The following GFRA2 variants were observed in gnomAD, a reference collection of about 807,000 sequenced individuals.
GFRA2 encodes the protein GDNF family receptor alpha 2, also known as GDNF family receptor alpha-2.
GFRA2 carries 17 observed loss-of-function variants against 48.3 expected under a neutral mutation model. That is an observed-to-expected ratio of 0.35 (90% CI 0.24 to 0.53). GFRA2 has a LOEUF of 0.53. Among genes scored for constraint, GFRA2 ranks in the 20% least tolerant of loss-of-function variants. GFRA2 has a pLI of 0.93. For synonymous variants in GFRA2, 305 were observed against 257.2 expected, an observed-to-expected ratio of 1.19 and a Z score of -1.78; for missense variants, 660 against 637.3, an observed-to-expected ratio of 1.04 and a Z score of -0.38.
chr8:21,705,203 C>T, intron 5 of GFRA2, 78 bp from the exon 6 acceptor site: 1 of 1,454,522 alleles, frequency 6.9e-7, no homozygotes, highest in South Asian at 1.3e-5. Flanking sequence ...CAACCCCAGG[C>T]ACAGCAGGGC....
intron 5 of GFRA2, 69 bp downstream of exon 5, chr8:21,705,849 CCCTGAGCTGGGCTG>C: frequency 2.3e-6 from 2 of 877,448 alleles, no homozygotes; most frequent in Admixed American, 4.7e-5. Flanking sequence ...CCCCAGCTGG[CCCTGAGCTGGGCTG>C]CGGCCCCTGC....
In GFRA2 at chr8:21,727,189, A is replaced by C. The variant is rs948568624; in HGVS notation, c.795-21148T>G. Reference sequence around the variant, plus strand: ...TGTTTGATCTCACTTCCCTCACCCCAGTTTGATTCAGATGCAGGCTGAACC... The same window carrying C: ...TGTTTGATCTCACTTCCCTCACCCCCGTTTGATTCAGATGCAGGCTGAACC... On this transcript the variant is annotated intron_variant, in intron 4 of 8. Transcript: ENST00000524240. Among the ~76,000 whole-genome samples the C allele has an allele frequency of 4.6e-5, 7 of 152,100 alleles. No homozygotes were observed. In the East Asian group the frequency reaches 1.4e-3, roughly 29 times the overall value.
chr8:21,729,133 A>G (rs1305296411), intron 4 of GFRA2, among the ~76,000 whole-genome samples: 1 of 151,830 alleles, frequency 6.6e-6, no homozygotes, highest in Non-Finnish European at 1.5e-5. Flanking sequence ...GCAGTCATAA[A>G]CCTCTCCGCC....
At chr8:21,789,447 G>C (rs1807461302), upstream of GFRA2, among the ~76,000 whole-genome samples, 1 of 152,090 alleles carries the variant, frequency 6.6e-6, no homozygotes, top group South Asian at 2.1e-4. Context: ...GCCATCCGGG[G>C]GCTCGGGGGG....
At chr8:21,753,225 G>A (rs1020513200) in intron 3 of GFRA2, among the ~76,000 whole-genome samples, 1 of 152,170 alleles carries the variant, frequency 6.6e-6, no homozygotes, top group African/African-American at 2.4e-5. Context: ...CACCACACAC[G>A]GCTGCTGAAC....
At chr8:21,722,093 A>G (rs1044897707) in intron 4 of GFRA2, among the ~76,000 whole-genome samples, 2 of 152,216 alleles carry the variant, frequency 1.3e-5, no homozygotes, top group Non-Finnish European at 2.9e-5. Context: ...CTAACAAAGG[A>G]TGTGAGGCTG....
upstream of GFRA2, among the ~76,000 whole-genome samples, chr8:21,793,789 C>T (rs1807619901): frequency 6.6e-6 from 1 of 152,046 alleles, no homozygotes; most frequent in Admixed American, 6.6e-5. Context: ...GTTCATATTC[C>T]CCTTCACAAC....
chr8:21,693,317 C>A lies in GFRA2; in HGVS notation c.1356G>T (p.Leu452Phe). The change falls in exon 9 of 9, where the codon TTG becomes TTT. Residue 452 changes from leucine to phenylalanine, a missense_variant. Leu to Phe is a conservative substitution (Grantham distance 22, BLOSUM62 0). Coordinates refer to ENST00000524240, the MANE Select transcript of GFRA2 (RefSeq NM_001495.5). ...GPSRARPSAA[L>F]TVLSVLMLKL... ...TCAGCATCAGGACAGACAGCACGGTCAAGGCAGCCGACGGTCTGGCTCTGC... is the reference window on the plus strand; with the variant it reads ...TCAGCATCAGGACAGACAGCACGGTAAAGGCAGCCGACGGTCTGGCTCTGC... The A allele has an allele frequency of 6.2e-7, 1 of 1,613,698 alleles. No homozygotes were observed. The highest frequency in any genetic ancestry group is 1.1e-5 in the South Asian group (1 of 91,004).
chr8:21,770,404 C>A lies in GFRA2; in HGVS notation c.439+4568G>T, dbSNP rs200993679. 2.6e-3 allele frequency among the ~76,000 whole-genome samples: 403 copies of A among 152,330 alleles called. 21 individuals carry two copies. The East Asian group carries it at 0.072, about 27-fold the overall frequency. Reference sequence around the variant, plus strand: ...CAAAAATCCTCAGAGGTAGGTGTTGCCATTGGCTCCAGGCTGGGGGAGAGG... The same window carrying A: ...CAAAAATCCTCAGAGGTAGGTGTTGACATTGGCTCCAGGCTGGGGGAGAGG... On this transcript the variant is annotated intron_variant, in intron 3 of 8. Coordinates refer to ENST00000524240, the MANE Select transcript of GFRA2 (RefSeq NM_001495.5).
At chr8:21,771,139 C>T (rs1431650987) in intron 3 of GFRA2, among the ~76,000 whole-genome samples, 1 of 152,152 alleles carries the variant, frequency 6.6e-6, no homozygotes, top group Non-Finnish European at 1.5e-5. Context: ...CCTCTTAGGG[C>T]ATCACATGTC....
At chr8:21,735,898 C>CAAGGCAGGAGT (rs1804438170) in intron 4 of GFRA2, among the ~76,000 whole-genome samples, 1 of 152,122 alleles carries the variant, frequency 6.6e-6, no homozygotes, top group African/African-American at 2.4e-5. Flanking sequence ...CTCTTGAACT[C>CAAGGCAGGAGT]CTGCCTCCCT....
intron 4 of GFRA2, among the ~76,000 whole-genome samples, chr8:21,725,069 T>A (rs1803796412): frequency 6.6e-6 from 1 of 152,156 alleles, no homozygotes. Flanking sequence ...GAGTGATTGA[T>A]TTGAAGGGGA....
intron 1 of GFRA2, 130 bp from the exon 2 acceptor site, chr8:21,783,029 C>A: frequency 1.2e-6 from 1 of 851,168 alleles, no homozygotes; most frequent in Non-Finnish European, 1.9e-6. Context: ...CAAGGCGACT[C>A]TGTGGGACAG....
chr8:21,768,634 G>A (rs1050294386), intron 3 of GFRA2, among the ~76,000 whole-genome samples: 2 of 152,088 alleles, frequency 1.3e-5, no homozygotes, highest in Admixed American at 6.5e-5. Context: ...CCTAGACACC[G>A]GCCGAGCAAA....
At chr8:21,737,326 G>A (rs569628521) in intron 4 of GFRA2, among the ~76,000 whole-genome samples, 36 of 151,962 alleles carry the variant, frequency 2.4e-4, no homozygotes, top group Non-Finnish European at 4.1e-4. Flanking sequence ...CCAAGATCAC[G>A]CCATTGCAGT....
chr8:21,693,470 G>GGA (rs1408787279), intron 8 of GFRA2, 70 bp from the exon 9 acceptor site: 1 of 1,442,210 alleles, frequency 6.9e-7, no homozygotes, highest in African/African-American at 1.4e-5. Flanking sequence ...AGGAGGCCTG[G>GGA]GACCCGGCAG....
intron 3 of GFRA2, among the ~76,000 whole-genome samples, chr8:21,760,038 G>A (rs73669548): frequency 1.1e-3 from 165 of 152,242 alleles, no homozygotes; most frequent in African/African-American, 3.9e-3. Flanking sequence ...TCCAAGCAAA[G>A]GAGGAGCAAG....
chr8:21,780,198 A>G (rs937593720), intron 2 of GFRA2, among the ~76,000 whole-genome samples: 1 of 151,598 alleles, frequency 6.6e-6, no homozygotes, highest in Non-Finnish European at 1.5e-5. Flanking sequence ...TCCTCCCTCC[A>G]GCAGGAGGGC....
Position 21,757,506 on chromosome 8 carries a change from C to CTTTTTTTTTTTT in GFRA2, c.440-6565_440-6564insAAAAAAAAAAAA, listed in dbSNP as rs5889999. Among the ~76,000 whole-genome samples, 66 of 145,814 alleles carry CTTTTTTTTTTTT rather than the reference C, an allele frequency of 4.5e-4. 2 individuals are homozygous for CTTTTTTTTTTTT. The highest frequency in any genetic ancestry group is 1.3e-3 in the African/African-American group (49 of 37,986). ...GATTTTTTCTTTAAATTCCTTAATCCTTTTTTTTGAATGGAGTTTCACTCT... is the reference window on the plus strand; with the variant it reads ...GATTTTTTCTTTAAATTCCTTAATCCTTTTTTTTTTTTTTTTTTTTGAATGGAGTTTCACTCT... On this transcript the variant is annotated intron_variant, in intron 3 of 8. Transcript: ENST00000524240.
Sources: allele counts gnomAD v4.1 joint callset (sites outside exome capture counted in the v4.1 genomes callset), GRCh38; gene constraint gnomAD v4.1.1; transcripts MANE v1.5; gene names NCBI Gene and HGNC (gene_info 2026-07-23, HGNC 2026-07-21).